Variants in GRWD1 observed in about 807,000 individuals in gnomAD.
GRWD1 encodes glutamate-rich WD repeat-containing protein 1.
Under a neutral mutation model 45.3 loss-of-function variants are expected in GRWD1, and 29 were observed. The ratio of observed to expected loss-of-function variants is 0.64; its 90% CI spans 0.48 to 0.87. The LOEUF is 0.87. Ranked by LOEUF, GRWD1 falls within the 40% of genes least tolerant of loss-of-function variation. The pLI is 0.00. For missense variants in GRWD1, 592 were observed against 618.8 expected, an observed-to-expected ratio of 0.96 and a Z score of 0.46; for synonymous variants, 262 against 257.6, an observed-to-expected ratio of 1.02 and a Z score of -0.16.
At chr19:48,451,769 C>A (rs556267461) in intron 6 of GRWD1, among the ~76,000 whole-genome samples, 2 of 152,172 alleles carry the variant, frequency 1.3e-5, no homozygotes, top group Non-Finnish European at 2.9e-5. Context: ...TCTGCCTTCC[C>A]GGGCTGCCAT....
rs762462764 is a variant in GRWD1, at chr19:48,450,381, G to A, written c.537G>A (p.Ala179=). ...AGAAGGGCCAGGTGGAGGTGTTTGC[G>A]CTGCGGCGGCTTCTGCAGGTGGTGG... The part of the protein sequence containing the change: ...WSEKGQVEVF[A]LRRLLQVVEE... Residue 179 remains alanine (A), a synonymous_variant, in exon 4 of 7, where the codon GCG becomes GCA. Transcript: ENST00000253237. This position sits in a 1 kb window ranked among gnomAD's most constrained non-coding sequence, Gnocchi z 5.1. The A allele has an allele frequency of 6.2e-6, 10 of 1,613,512 alleles. No individual in the cohort carries two copies. Among genetic ancestry groups the A allele is most frequent in the East Asian group, 2.2e-5 (1 of 44,886 alleles).
At chr19:48,448,471 G>A (rs563604655) in intron 3 of GRWD1, among the ~76,000 whole-genome samples, 1 of 152,002 alleles carries the variant, frequency 6.6e-6, no homozygotes, top group Non-Finnish European at 1.5e-5. Context: ...ACACACTAGT[G>A]GGGGAAGGGA....
rs1289698071 is a variant in GRWD1 at position 48,452,395 on chromosome 19, G to GC, written c.1024-310dup. Among the ~76,000 whole-genome samples, 2 of 151,898 alleles carry GC rather than the reference G, an allele frequency of 1.3e-5. No individual in the cohort carries two copies. Among genetic ancestry groups the GC allele is most frequent in the Non-Finnish European group, 1.5e-5 (1 of 67,936 alleles). ...TTACAGTCGTGAGCCACCGCACCCAGCCCATGCCCTCCTTTTACAAGGAAG... is the reference window on the plus strand; with the variant it reads ...TTACAGTCGTGAGCCACCGCACCCAGCCCCATGCCCTCCTTTTACAAGGAAG... On this transcript the variant is annotated intron_variant, in intron 6 of 6. Transcript: ENST00000253237. The surrounding 1 kb of genome is among the most constrained non-coding windows in gnomAD (Gnocchi z 5.1).
At position 48,452,558 on chromosome 19, in the gene GRWD1, C is replaced by T. The variant is rs1003999312; in HGVS notation, c.1024-150C>T. On this transcript the variant is annotated intron_variant, in intron 6 of 6. Coordinates refer to ENST00000253237, the MANE Select transcript of GRWD1 (RefSeq NM_031485.4). This position sits in a 1 kb window ranked among gnomAD's most constrained non-coding sequence, Gnocchi z 5.1. ...CTTAGCAGCCAGAATTACCCTGTGT[C>T]CCTTTCCTGGACTCTGGGCTTGTGA... 1.3e-5 allele frequency: 8 copies of T among 638,338 alleles called. No individual in the cohort carries two copies. Among genetic ancestry groups the T allele is most frequent in the South Asian group, 8.6e-5 (4 of 46,756 alleles). 39.5% of individuals were successfully genotyped at this position (638,338 alleles called of 1,614,324 possible). A position where few individuals can be genotyped will look rare whatever the true frequency, so the allele number is the denominator to read the frequency against.
rs1383805945 is a variant in GRWD1, at chr19:48,451,308, C to T, written c.1023+77C>T. Reference sequence around the variant, plus strand: ...CCCTGGGATTTGTAGGATTTTTCCTCCTTGAATAGTTTTACACAACCAGAG... The same window carrying T: ...CCCTGGGATTTGTAGGATTTTTCCTTCTTGAATAGTTTTACACAACCAGAG... On this transcript the variant is annotated intron_variant, in intron 6 of 6. Transcript: ENST00000253237. The T allele has an allele frequency of 7.5e-6, 10 of 1,341,136 alleles. No homozygotes were observed. In the South Asian group the frequency reaches 1.2e-4, roughly 16 times the overall value. The allele number at this position is 1,341,136 out of a possible 1,614,324, so 83.1% of individuals were successfully genotyped here.
chr19:48,452,921 G>T lies in GRWD1; in HGVS notation c.1237G>T (p.Gly413Cys). 1 of 1,612,058 alleles carries T rather than the reference G, an allele frequency of 6.2e-7. No homozygotes were observed. Reference sequence around the variant, plus strand: ...GCAGCAGCTGCTGTTCGTGCACCAGGGCGAGACCGAGCTGAAGGAGCTGCA... The same window carrying T: ...GCAGCAGCTGCTGTTCGTGCACCAGTGCGAGACCGAGCTGAAGGAGCTGCA... ...LPQQLLFVHQGETELKELHWH... is the reference protein window; with the variant it reads ...LPQQLLFVHQCETELKELHWH... Residue 413 changes from glycine to cysteine, a missense_variant, in exon 7 of 7, where the codon GGC (glycine) becomes TGC (cysteine). By Grantham distance (159) the Gly-to-Cys change is radical. Coordinates refer to ENST00000253237, the MANE Select transcript of GRWD1 (RefSeq NM_031485.4). This position sits in a 1 kb window ranked among gnomAD's most constrained non-coding sequence, Gnocchi z 5.1.
rs1971488020 is a variant in GRWD1 at position 48,452,592 on chromosome 19, G to C, written c.1024-116G>C. On this transcript the variant is annotated intron_variant, in intron 6 of 6. Coordinates refer to ENST00000253237, the MANE Select transcript of GRWD1 (RefSeq NM_031485.4). This position sits in a 1 kb window ranked among gnomAD's most constrained non-coding sequence, Gnocchi z 5.1. ...GGACTCTGGGCTTGTGAGGGCTTAA[G>C]GGGTGGGGCCCTGGCTGAACCCTGA... The C allele has an allele frequency of 2.3e-6, 2 of 863,290 alleles. No homozygotes were observed. Among genetic ancestry groups the C allele is most frequent in the Non-Finnish European group, 3.6e-6 (2 of 550,744 alleles). 53.5% of individuals were successfully genotyped at this position (863,290 alleles called of 1,614,324 possible).
At position 48,452,080 on chromosome 19, in the gene GRWD1, C is replaced by CCTTTTTGT; in HGVS notation, c.1024-622_1024-621insGTCTTTTT. ...GAGAGCTCTGGGAGAGCCATGCCCTCCTTTTTTTCTTTTTTTTTTTTTTTT... is the reference window on the plus strand; with the variant it reads ...GAGAGCTCTGGGAGAGCCATGCCCTCCTTTTTGTCTTTTTTTCTTTTTTTTTTTTTTTT... On this transcript the variant is annotated intron_variant, in intron 6 of 6. Coordinates refer to ENST00000253237, the MANE Select transcript of GRWD1 (RefSeq NM_031485.4). This position sits in a 1 kb window ranked among gnomAD's most constrained non-coding sequence, Gnocchi z 5.1. Among the ~76,000 whole-genome samples the CCTTTTTGT allele has an allele frequency of 7.3e-6, 1 of 136,568 alleles. No homozygotes were observed. Among genetic ancestry groups the CCTTTTTGT allele is most frequent in the Non-Finnish European group, 1.6e-5 (1 of 64,128 alleles). 89.6% of individuals were successfully genotyped at this position (136,568 alleles called of 152,430 possible). A position where few individuals can be genotyped will look rare whatever the true frequency, so the allele number is the denominator to read the frequency against.
At position 48,456,810 on chromosome 19, in the gene GRWD1, T is replaced by C. The variant is rs1971543885; in HGVS notation, c.*3785T>C. 6.6e-6 allele frequency: 1 copy of C among 152,202 alleles called. No homozygotes were observed. Among genetic ancestry groups the C allele is most frequent in the Non-Finnish European group, 1.5e-5 (1 of 68,002 alleles). The allele number at this position is 152,202 out of a possible 1,614,324, so 9.4% of individuals were successfully genotyped here. A position where few individuals can be genotyped will look rare whatever the true frequency, so the allele number is the denominator to read the frequency against. On this transcript the variant is annotated 3_prime_UTR_variant, in exon 7 of 7. Coordinates refer to ENST00000253237, the MANE Select transcript of GRWD1 (RefSeq NM_031485.4). ...CCTTTGGTCCACCCTGACAGGCTGC[T>C]GCGATTCCCTCCATTTCTTTTCTTC...
intron 6 of GRWD1, among the ~76,000 whole-genome samples, chr19:48,451,590 G>A (rs1971476419): frequency 2.6e-5 from 4 of 152,242 alleles, no homozygotes; most frequent in Middle Eastern, 6.8e-3. Flanking sequence ...ACTGAGAATC[G>A]GGGCCCAGCC....
Position 48,452,796 on chromosome 19 carries a change from C to T in GRWD1, c.1112C>T (p.Ala371Val). 1 of 1,612,128 alleles carries T rather than the reference C, an allele frequency of 6.2e-7. No homozygotes were observed. Among genetic ancestry groups the T allele is most frequent in the East Asian group, 2.2e-5 (1 of 44,762 alleles). The change falls in exon 7 of 7, where the codon GCC becomes GTC. Residue 371 changes from alanine (A) to valine (V), a missense_variant. Physicochemically the swap from Ala to Val is moderately conservative, Grantham distance 64. Coordinates refer to ENST00000253237, the MANE Select transcript of GRWD1 (RefSeq NM_031485.4). This position sits in a 1 kb window ranked among gnomAD's most constrained non-coding sequence, Gnocchi z 5.1. ...WHPQDSGVFA[A>V]SGADHQITQW... The stretch of plus-strand genomic sequence containing the variant: ...CCCCAGGACAGCGGGGTCTTTGCAG[C>T]CTCGGGTGCAGACCACCAGATCACA...
intron 6 of GRWD1, 88 bp downstream of exon 6, chr19:48,451,319 T>G: frequency 8.5e-7 from 1 of 1,171,020 alleles, no homozygotes; most frequent in South Asian, 1.6e-5. Flanking sequence ...CTTGAATAGT[T>G]TTACACAACC....
intron 6 of GRWD1, among the ~76,000 whole-genome samples, 167 bp downstream of exon 6, chr19:48,451,398 C>A (rs1367735971): frequency 6.6e-6 from 1 of 152,088 alleles, no homozygotes; most frequent in Non-Finnish European, 1.5e-5. Context: ...TGAGGCTCAG[C>A]AAGAGGAAGG....
chr19:48,451,365 C>A, intron 6 of GRWD1, 134 bp downstream of exon 6: 1 of 751,792 alleles, frequency 1.3e-6, no homozygotes, highest in Non-Finnish European at 2.1e-6. Context: ...ACTCCTGCCT[C>A]TTCAGGGTAC....
At chr19:48,449,907 G>A (rs1971451537) in intron 3 of GRWD1, among the ~76,000 whole-genome samples, 1 of 152,162 alleles carries the variant, frequency 6.6e-6, no homozygotes, top group African/African-American at 2.4e-5. Flanking sequence ...AAACCTCGTG[G>A]CTGGACTGGG....
chr19:48,452,935 G>A lies in GRWD1; in HGVS notation c.1251G>A (p.Leu417=). The change falls in exon 7 of 7, where the codon CTG becomes CTA. Residue 417 remains leucine, a synonymous_variant. Coordinates refer to ENST00000253237, the MANE Select transcript of GRWD1 (RefSeq NM_031485.4). The surrounding 1 kb of genome is among the most constrained non-coding windows in gnomAD (Gnocchi z 5.1). ...TCGTGCACCAGGGCGAGACCGAGCT[G>A]AAGGAGCTGCACTGGCACCCGCAGT... ...LLFVHQGETE[L]KELHWHPQCP... 1 of 1,612,056 alleles carries A rather than the reference G, an allele frequency of 6.2e-7. No homozygotes were observed.
In GRWD1 at chr19:48,456,586, T is replaced by A. The variant is rs1440979216; in HGVS notation, c.*3561T>A. On this transcript the variant is annotated 3_prime_UTR_variant, in exon 7 of 7. Transcript: ENST00000253237. ...AACTTGACATTGTCTCATGGTCTTC[T>A]TTCCAAATGGAGTGTGCCAGGCCCT... The A allele has an allele frequency of 1.3e-5, 2 of 152,240 alleles. No individual in the cohort carries two copies. The highest frequency in any genetic ancestry group is 2.9e-5 in the Non-Finnish European group (2 of 68,058). The allele number at this position is 152,240 out of a possible 1,614,324, so 9.4% of individuals were successfully genotyped here.
rs775372217 is a variant in GRWD1, at chr19:48,452,880, G to A, written c.1196G>A (p.Gly399Glu). The A allele has an allele frequency of 1.2e-6, 2 of 1,612,460 alleles. No individual in the cohort carries two copies. Among genetic ancestry groups the A allele is most frequent in the Non-Finnish European group, 8.5e-7 (1 of 1,179,800 alleles). Residue 399 changes from glycine to glutamate, a missense_variant, in exon 7 of 7, where the codon GGA (glycine) becomes GAA (glutamate). Physicochemically the swap from Gly to Glu is moderately conservative, Grantham distance 98 (BLOSUM62 -2). Coordinates refer to ENST00000253237, the MANE Select transcript of GRWD1 (RefSeq NM_031485.4). This position sits in a 1 kb window ranked among gnomAD's most constrained non-coding sequence, Gnocchi z 5.1. ...PEAGDVEADP[G>E]LADLPQQLLF... ...GCGGGCGACGTGGAGGCCGACCCCG[G>A]ACTGGCCGACCTCCCGCAGCAGCTG...
At chr19:48,446,897 T>A in intron 3 of GRWD1, 54 bp downstream of exon 3, 1 of 1,422,000 alleles carries the variant, frequency 7.0e-7, no homozygotes. Context: ...ATCTGACCCA[T>A]CCCCTGTGTC....
Sources: gnomAD v4.1 joint callset for allele counts (sites outside exome capture counted in the v4.1 genomes callset) on GRCh38, gnomAD v4.1.1 for gene constraint, Gnocchi (gnomAD v3.1) non-coding constraint, MANE v1.5 for transcripts, NCBI Gene and HGNC (gene_info 2026-07-23, HGNC 2026-07-21) for gene names.